AK7: variants seen among roughly 807,000 people sequenced by gnomAD.
The protein encoded by AK7 is adenylate kinase 7.
Under a neutral mutation model 96.6 loss-of-function variants are expected in AK7, and 78 were observed. That is an observed-to-expected ratio of 0.81 (90% CI 0.67 to 0.97). The LOEUF (loss-of-function observed/expected upper bound fraction) is 0.97. AK7 is among the 50% of genes least tolerant of loss of function. The pLI is 0.00. For missense variants in AK7, 855 were observed against 887.9 expected (o/e 0.96, Z 0.47); for synonymous variants, 302 against 317.2 (o/e 0.95, Z 0.51).
At chr14:96,440,741 G>A (rs995840669) in intron 6 of AK7, among the ~76,000 whole-genome samples, 1 of 152,212 alleles carries the variant, frequency 6.6e-6, no homozygotes, top group Non-Finnish European at 1.5e-5. Flanking sequence ...GAAGTTTATT[G>A]TGCCAAGGTT....
In AK7 at chr14:96,483,292, G is replaced by T. The variant is rs1012413553; in HGVS notation, c.1974+73G>T. The T allele has an allele frequency of 9.6e-6, 14 of 1,457,812 alleles. No individual in the cohort carries two copies. The Admixed American group carries it at 1.2e-4, about 13-fold the overall frequency. 90.3% of individuals were successfully genotyped at this position (1,457,812 alleles called of 1,614,324 possible). A position where few individuals can be genotyped will look rare whatever the true frequency, so the allele number is the denominator to read the frequency against. The stretch of plus-strand genomic sequence containing the variant: ...TGCGGTGCCTGGCAAAGCCATTTAG[G>T]CCAGTTCCACTTCCCATCCTGCTCT... On this transcript the variant is annotated intron_variant, in intron 16 of 17. Coordinates refer to ENST00000267584, the MANE Select transcript of AK7 (RefSeq NM_152327.5).
At chr14:96,452,780 G>C (rs1328231562) in intron 10 of AK7, among the ~76,000 whole-genome samples, 1 of 152,024 alleles carries the variant, frequency 6.6e-6, no homozygotes, top group Non-Finnish European at 1.5e-5. Context: ...CTCCTGAGTA[G>C]GTAGCAACTT....
intron 7 of AK7, 40 bp downstream of exon 7, chr14:96,442,858 T>G (rs751200034): frequency 2.6e-6 from 4 of 1,560,444 alleles, no homozygotes; most frequent in Non-Finnish European, 3.5e-6. Flanking sequence ...ACAGAATTGG[T>G]TAATGTGTTT....
intron 12 of AK7, among the ~76,000 whole-genome samples, chr14:96,464,037 C>G (rs1184632415): frequency 6.6e-6 from 1 of 151,816 alleles, no homozygotes; most frequent in Non-Finnish European, 1.5e-5. Context: ...AGATCTCACG[C>G]AGGAAAAAAT....
At chr14:96,398,475 T>C (rs1315684690) in intron 2 of AK7, 2 of 587,618 alleles carry the variant, frequency 3.4e-6, no homozygotes, top group Non-Finnish European at 6.0e-6. Context: ...AATTAGATAG[T>C]GTTGGAAAGG....
chr14:96,429,184 A>G (rs1417463380), intron 5 of AK7, among the ~76,000 whole-genome samples: 1 of 152,244 alleles, frequency 6.6e-6, no homozygotes, highest in Non-Finnish European at 1.5e-5. Context: ...AGATATGGCT[A>G]GCCAGTTTTC....
At chr14:96,481,598 G>A (rs955551764) in intron 15 of AK7, among the ~76,000 whole-genome samples, 5 of 151,632 alleles carry the variant, frequency 3.3e-5, no homozygotes, top group African/African-American at 1.2e-4. Flanking sequence ...TGCCCATCTC[G>A]GCCTCCCAAA....
intron 12 of AK7, among the ~76,000 whole-genome samples, chr14:96,465,090 C>T (rs1364032905): frequency 1.3e-5 from 2 of 152,190 alleles, no homozygotes; most frequent in African/African-American, 2.4e-5. Context: ...GACTATTACA[C>T]AACAATTCAG....
intron 10 of AK7, among the ~76,000 whole-genome samples, chr14:96,456,064 A>G (rs1245491980): frequency 6.6e-6 from 1 of 151,528 alleles, no homozygotes; most frequent in Non-Finnish European, 1.5e-5. Context: ...CATGGAGAAA[A>G]CCCGTCTCTA....
At chr14:96,455,065 G>T (rs988561834) in intron 10 of AK7, among the ~76,000 whole-genome samples, 1 of 152,108 alleles carries the variant, frequency 6.6e-6, no homozygotes, top group Non-Finnish European at 1.5e-5. Context: ...TGCTCAGGAG[G>T]CTAAGGCAGG....
intron 6 of AK7, among the ~76,000 whole-genome samples, chr14:96,439,800 G>A (rs1411134011): frequency 2.0e-5 from 3 of 152,146 alleles, no homozygotes; most frequent in East Asian, 1.9e-4. Flanking sequence ...TCTAACAGCC[G>A]CAGGTTCAAG....
chr14:96,405,027 C>T lies in AK7; in HGVS notation c.403+162C>T, dbSNP rs1890628933. 7.7e-6 allele frequency: 3 copies of T among 391,940 alleles called. No individual in the cohort carries two copies. In the South Asian group the frequency reaches 2.3e-4, roughly 30 times the overall value. The allele number at this position is 391,940 out of a possible 1,614,324, so 24.3% of individuals were successfully genotyped here. On this transcript the variant is annotated intron_variant, in intron 3 of 17. Transcript: ENST00000267584. ...ATGATAATAATATGGATAGATACTTCTGAAGAATAGAATATTTTTAATTAT... is the reference window on the plus strand; with the variant it reads ...ATGATAATAATATGGATAGATACTTTTGAAGAATAGAATATTTTTAATTAT...
chr14:96,465,742 T>G (rs1174213170), intron 12 of AK7, among the ~76,000 whole-genome samples: 1 of 152,088 alleles, frequency 6.6e-6, no homozygotes, highest in Non-Finnish European at 1.5e-5. Context: ...CCAGGCGCAG[T>G]GGCTCACGCC....
intron 12 of AK7, among the ~76,000 whole-genome samples, chr14:96,458,551 A>G (rs1344697122): frequency 6.6e-6 from 1 of 151,812 alleles, no homozygotes; most frequent in Non-Finnish European, 1.5e-5. Context: ...AGACCAGCCT[A>G]GGCAACATGG....
rs150415370 is a variant in AK7, at chr14:96,401,736, T to C, written c.295-3021T>C. ...GAAACCGTTAGCCTGGTTCAGGTTATGAAAGGTGCCTCTACCTGGCTCAAC... is the reference window on the plus strand; with the variant it reads ...GAAACCGTTAGCCTGGTTCAGGTTACGAAAGGTGCCTCTACCTGGCTCAAC... On this transcript the variant is annotated intron_variant, in intron 2 of 17. Coordinates refer to ENST00000267584, the MANE Select transcript of AK7 (RefSeq NM_152327.5). Among the ~76,000 whole-genome samples the C allele has an allele frequency of 1.5e-3, 221 of 152,326 alleles. 9 individuals carry two copies. The South Asian group carries it at 0.041, about 28-fold the overall frequency.
intron 5 of AK7, among the ~76,000 whole-genome samples, chr14:96,425,480 A>ATTTTTTTTTTTTTTTTTTTTTTTTTTT: frequency 8.4e-6 from 1 of 119,142 alleles, no homozygotes. Context: ...AGTCACACTG[A>ATTTTTTTTTTTTTTTTTTTTTTTTTTT]TTTTTTTTTT....
chr14:96,466,948 A>T (rs1894600052), intron 12 of AK7, among the ~76,000 whole-genome samples: 2 of 152,094 alleles, frequency 1.3e-5, no homozygotes, highest in African/African-American at 2.4e-5. Flanking sequence ...CTCGGGCAGC[A>T]ATGCACATTC....
intron 4 of AK7, among the ~76,000 whole-genome samples, chr14:96,419,305 A>C (rs1232263235): frequency 6.6e-6 from 1 of 152,220 alleles, no homozygotes; most frequent in East Asian, 1.9e-4. Flanking sequence ...GCAAAGAAAA[A>C]AAAAGAAAAA....
intron 2 of AK7, among the ~76,000 whole-genome samples, chr14:96,400,333 C>A (rs1338041624): frequency 6.6e-6 from 1 of 152,166 alleles, no homozygotes; most frequent in Non-Finnish European, 1.5e-5. Flanking sequence ...AGCCACCACG[C>A]CCGGCCCAAA....
Sources: gnomAD v4.1 joint callset for allele counts (sites outside exome capture counted in the v4.1 genomes callset) on GRCh38, gnomAD v4.1.1 for gene constraint, MANE v1.5 for transcripts, NCBI Gene and HGNC (gene_info 2026-07-23, HGNC 2026-07-21) for gene names.